Variants in CELF2 observed in about 807,000 individuals in gnomAD.
CELF2 encodes the protein CUGBP Elav-like family member 2.
Under a neutral mutation model 62.6 loss-of-function variants are expected in CELF2, and 8 were observed. That is an observed-to-expected ratio of 0.13 (90% CI 0.07 to 0.23). The LOEUF is 0.23. Among genes scored for constraint, CELF2 ranks in the 10% least tolerant of loss-of-function variants. The probability of loss-of-function intolerance (pLI) is 1.00; values close to 1 mark genes in which losing one functional copy is unlikely to be tolerated. For missense variants in CELF2, 333 were observed against 671.0 expected (o/e 0.50, Z 5.56); for synonymous variants, 258 against 250.0 (o/e 1.03, Z -0.30).
chr10:10,975,189 C>T lies in CELF2; in HGVS notation c.89+55190C>T, dbSNP rs372372572. On this transcript the variant is annotated intron_variant, in intron 2 of 13. Transcript: ENST00000636488. ...CTGCAGTGCAATGGTGCAATCATGG[C>T]GTACTGCAGCTTCAACCTCCCAGAT... 7.2e-5 allele frequency among the ~76,000 whole-genome samples: 11 copies of T among 152,272 alleles called. No individual in the cohort carries two copies. In the East Asian group the frequency reaches 7.7e-4, roughly 11 times the overall value.
intron 1 of CELF2, among the ~76,000 whole-genome samples, chr10:10,904,012 CT>C (rs1385020665): frequency 6.6e-6 from 1 of 152,202 alleles, no homozygotes; most frequent in Non-Finnish European, 1.5e-5. Context: ...TGCCAGCCAC[CT>C]GCCATCTTCT....
the CELF2 span, among the ~76,000 whole-genome samples, chr10:10,673,895 A>ATGAT: frequency 6.6e-6 from 1 of 152,186 alleles, no homozygotes; most frequent in Non-Finnish European, 1.5e-5. Flanking sequence ...CAGATATTAT[A>ATGAT]TGATTTCTGT....
chr10:10,742,348 G>A, the CELF2 span, among the ~76,000 whole-genome samples: 1 of 151,974 alleles, frequency 6.6e-6, no homozygotes, highest in African/African-American at 2.4e-5. Flanking sequence ...TACTCTTTTG[G>A]GTGAGTGCTG....
chr10:10,933,355 A>G (rs1453415136), intron 2 of CELF2, among the ~76,000 whole-genome samples: 5 of 152,190 alleles, frequency 3.3e-5, no homozygotes, highest in Admixed American at 3.3e-4. Context: ...ACAGTATGAT[A>G]TTTCTATACC....
At chr10:10,966,927 A>G (rs2050182411) in intron 2 of CELF2, among the ~76,000 whole-genome samples, 1 of 152,268 alleles carries the variant, frequency 6.6e-6, no homozygotes, top group Admixed American at 6.5e-5. Context: ...GGGATGAACC[A>G]GAAGAGTTAT....
chr10:10,869,677 A>C (rs1312471536), intron 1 of CELF2, among the ~76,000 whole-genome samples: 1 of 152,162 alleles, frequency 6.6e-6, no homozygotes, highest in East Asian at 1.9e-4. Flanking sequence ...TTTTATGAAA[A>C]ATTACAAAAT....
chr10:11,246,767 C>G lies in CELF2; in HGVS notation c.355-2386C>G, dbSNP rs1478327494. Among the ~76,000 whole-genome samples the G allele has an allele frequency of 6.6e-6, 1 of 152,152 alleles. No homozygotes were observed. Among genetic ancestry groups the G allele is most frequent in the Non-Finnish European group, 1.5e-5 (1 of 68,022 alleles). ...TCTCAGCTCTTTGCACCCTTCTTTCCCTCGCTGACAGCTTCGCGCATACCT... is the reference window on the plus strand; with the variant it reads ...TCTCAGCTCTTTGCACCCTTCTTTCGCTCGCTGACAGCTTCGCGCATACCT... On this transcript the variant is annotated intron_variant, in intron 3 of 12. Transcript: ENST00000633077. This position sits in a 1 kb window ranked among gnomAD's most constrained non-coding sequence, Gnocchi z 4.6.
At chr10:10,992,180 T>C (rs2053512202) in intron 2 of CELF2, among the ~76,000 whole-genome samples, 1 of 152,228 alleles carries the variant, frequency 6.6e-6, no homozygotes, top group Non-Finnish European at 1.5e-5. Flanking sequence ...TGTTTATTCT[T>C]ACACTTATGA....
intron 1 of CELF2, among the ~76,000 whole-genome samples, chr10:10,886,293 G>C (rs2061743080): frequency 6.6e-6 from 1 of 152,086 alleles, no homozygotes; most frequent in Admixed American, 6.5e-5. Context: ...GTTGCTTCAA[G>C]ACAAAGCTAT....
chr10:11,107,003 A>G (rs1470681641), intron 1 of CELF2, among the ~76,000 whole-genome samples: 1 of 152,206 alleles, frequency 6.6e-6, no homozygotes, highest in Admixed American at 6.5e-5. Context: ...CAGATTGCAG[A>G]GGGAGCCCAG....
chr10:10,887,480 A>C (rs2061834335), intron 1 of CELF2, among the ~76,000 whole-genome samples: 1 of 152,308 alleles, frequency 6.6e-6, no homozygotes, highest in African/African-American at 2.4e-5. Context: ...GTTCAATTGA[A>C]TTGACTAGGC....
intron 1 of CELF2, among the ~76,000 whole-genome samples, chr10:10,841,817 A>T (rs1275176900): frequency 6.6e-6 from 1 of 152,130 alleles, no homozygotes; most frequent in Non-Finnish European, 1.5e-5. Flanking sequence ...AACTTTGCTG[A>T]TACCCACAAA....
At chr10:10,772,976 C>T in the CELF2 span, among the ~76,000 whole-genome samples, 2 of 152,060 alleles carry the variant, frequency 1.3e-5, no homozygotes, top group South Asian at 4.1e-4. Flanking sequence ...GCATGAGTAA[C>T]GTTTCATTAA....
intron 1 of CELF2, among the ~76,000 whole-genome samples, chr10:10,800,581 G>C (rs543594447): frequency 6.0e-4 from 91 of 152,234 alleles, no homozygotes; most frequent in African/African-American, 2.1e-3. Context: ...TCGAACTCCT[G>C]ACCTCAGGTG....
chr10:10,663,139 A>G, the CELF2 span, among the ~76,000 whole-genome samples: 13 of 152,218 alleles, frequency 8.5e-5, no homozygotes, highest in Non-Finnish European at 1.2e-4. Flanking sequence ...CTAAGAGGTG[A>G]ACGTGAAAAA....
chr10:10,507,275 A>G, the CELF2 span, among the ~76,000 whole-genome samples: 1 of 141,864 alleles, frequency 7.0e-6, no homozygotes, highest in African/African-American at 2.7e-5. Flanking sequence ...GCATCTAAGC[A>G]TATTTCATAC....
chr10:10,953,865 A>G (rs1330208028), intron 2 of CELF2, among the ~76,000 whole-genome samples: 1 of 151,990 alleles, frequency 6.6e-6, no homozygotes, highest in African/African-American at 2.4e-5. Context: ...TAATTCCTCT[A>G]TTTCATAGGC....
intron 2 of CELF2, among the ~76,000 whole-genome samples, chr10:10,999,989 C>T (rs1442581998): frequency 6.6e-6 from 1 of 152,158 alleles, no homozygotes; most frequent in African/African-American, 2.4e-5. Flanking sequence ...GTCCATTTTC[C>T]ACATAAATAT....
intron 1 of CELF2, among the ~76,000 whole-genome samples, chr10:10,919,209 G>T (rs2064639849): frequency 6.6e-6 from 1 of 152,006 alleles, no homozygotes. Flanking sequence ...GGCAGAGTTT[G>T]CAGTGAGCTG....
Sources: allele counts gnomAD v4.1 joint callset (sites outside exome capture counted in the v4.1 genomes callset), GRCh38; gene constraint gnomAD v4.1.1; non-coding constraint Gnocchi (gnomAD v3.1); transcripts MANE v1.5; gene names NCBI Gene and HGNC (gene_info 2026-07-23, HGNC 2026-07-21).